Variants in CDH8 observed in about 807,000 individuals in gnomAD.
The protein encoded by CDH8 is cadherin 8.
Under a neutral mutation model 68.1 loss-of-function variants are expected in CDH8, and 17 were observed. That is an observed-to-expected ratio of 0.25 (90% CI 0.17 to 0.37). CDH8 has a LOEUF of 0.37. Ranked by LOEUF, CDH8 falls within the 10% of genes least tolerant of loss-of-function variation. The pLI, the probability that CDH8 is intolerant of heterozygous loss-of-function variation, is 1.00. For missense variants in CDH8, 763 were observed against 999.3 expected (o/e 0.76, Z 3.19); for synonymous variants, 372 against 365.1 (o/e 1.02, Z -0.21).
chr16:61,866,272 T>G, intron 3 of CDH8, among the ~76,000 whole-genome samples: 1 of 151,896 alleles, frequency 6.6e-6, no homozygotes. Flanking sequence ...GTAAATGAAC[T>G]AATCTATTCA....
intron 10 of CDH8, among the ~76,000 whole-genome samples, chr16:61,686,191 A>G (rs999932414): frequency 6.6e-6 from 1 of 152,032 alleles, no homozygotes; most frequent in African/African-American, 2.4e-5. Context: ...CACAAACATA[A>G]TCTGAATGTT....
chr16:61,935,695 C>T (rs1364184310), intron 2 of CDH8, among the ~76,000 whole-genome samples: 2 of 152,032 alleles, frequency 1.3e-5, no homozygotes, highest in African/African-American at 2.4e-5. Context: ...GTATGCCAGA[C>T]ATTTTACTGT....
intron 10 of CDH8, among the ~76,000 whole-genome samples, chr16:61,696,589 C>T (rs1044383715): frequency 6.6e-6 from 1 of 152,044 alleles, no homozygotes; most frequent in Non-Finnish European, 1.5e-5. Context: ...ACCATTTGAC[C>T]CAGCATTTCC....
chr16:61,791,296 G>C (rs1961371861), intron 7 of CDH8, among the ~76,000 whole-genome samples: 4 of 151,900 alleles, frequency 2.6e-5, no homozygotes, highest in Admixed American at 6.6e-5. Context: ...TGAACATGAG[G>C]ATGTGTTTAT....
chr16:61,903,949 C>CT (rs755617405), intron 2 of CDH8, among the ~76,000 whole-genome samples: 53 of 128,684 alleles, frequency 4.1e-4, no homozygotes, highest in African/African-American at 1.2e-3. Context: ...ATATACAGCA[C>CT]TTTTTAAAAA....
chr16:62,012,148 C>T (rs1199144082), intron 2 of CDH8, among the ~76,000 whole-genome samples: 2 of 152,178 alleles, frequency 1.3e-5, no homozygotes, highest in South Asian at 2.1e-4. Flanking sequence ...ATTCTGTAAA[C>T]ACTGTAACAC....
At chr16:61,982,853 C>T (rs1234603014) in intron 2 of CDH8, among the ~76,000 whole-genome samples, 1 of 152,168 alleles carries the variant, frequency 6.6e-6, no homozygotes, top group African/African-American at 2.4e-5. Context: ...TATCCTTTAG[C>T]TTATGAGTGA....
intron 8 of CDH8, among the ~76,000 whole-genome samples, chr16:61,787,835 G>A (rs546451159): frequency 5.5e-4 from 74 of 134,682 alleles, no homozygotes; most frequent in Middle Eastern, 4.4e-3. Context: ...GTAAACTATC[G>A]CAAGAACAAA....
Position 61,649,873 on chromosome 16 carries a change from T to C in CDH8, c.*3735A>G, listed in dbSNP as rs1249987216. On this transcript the variant is annotated 3_prime_UTR_variant, in exon 12 of 12. Transcript: ENST00000577390. Reference sequence around the variant, plus strand: ...GAGTCTCAGTGTGGAATCCAGCTGCTCCTAGGAGATTTCTAAGTCTCATGC... The same window carrying C: ...GAGTCTCAGTGTGGAATCCAGCTGCCCCTAGGAGATTTCTAAGTCTCATGC... 2 of 152,108 alleles carry C rather than the reference T, an allele frequency of 1.3e-5. No homozygotes were observed. Among genetic ancestry groups the C allele is most frequent in the East Asian group, 3.9e-4 (2 of 5,178 alleles). The allele number at this position is 152,108 out of a possible 1,614,324, so 9.4% of individuals were successfully genotyped here.
At chr16:61,747,788 A>G (rs1960059284) in intron 8 of CDH8, among the ~76,000 whole-genome samples, 1 of 152,068 alleles carries the variant, frequency 6.6e-6, no homozygotes, top group Non-Finnish European at 1.5e-5. Context: ...ATAAAAAAAA[A>G]AGATGCAGGA....
At chr16:61,741,638 G>C (rs1010922020) in intron 8 of CDH8, among the ~76,000 whole-genome samples, 2 of 151,902 alleles carry the variant, frequency 1.3e-5, no homozygotes, top group Admixed American at 6.6e-5. Context: ...TCCCCCTGTG[G>C]CATCTTTGTT....
intron 8 of CDH8, among the ~76,000 whole-genome samples, chr16:61,748,322 A>G (rs181887138): frequency 6.6e-6 from 1 of 152,154 alleles, no homozygotes; most frequent in Non-Finnish European, 1.5e-5. Flanking sequence ...CTATGGAGAA[A>G]GTGGCATGAT....
At chr16:61,900,984 C>T (rs540031193) in intron 3 of CDH8, 195 bp downstream of exon 3, 18 of 549,612 alleles carry the variant, frequency 3.3e-5, no homozygotes, top group East Asian at 2.8e-4. Context: ...TAAAATTGCT[C>T]TTCCATCAGT....
chr16:61,683,542 G>T, intron 10 of CDH8, among the ~76,000 whole-genome samples: 1 of 151,974 alleles, frequency 6.6e-6, no homozygotes, highest in East Asian at 1.9e-4. Flanking sequence ...TGTCTGACAA[G>T]CCTGTTGAAA....
At chr16:61,901,617 C>A in intron 2 of CDH8, 144 bp from the exon 3 acceptor site, 1 of 614,562 alleles carries the variant, frequency 1.6e-6, no homozygotes. Flanking sequence ...GTGTATGCAG[C>A]TGTGCGGATA....
At chr16:61,780,814 G>A (rs1430917272) in intron 8 of CDH8, among the ~76,000 whole-genome samples, 1 of 152,066 alleles carries the variant, frequency 6.6e-6, no homozygotes, top group Non-Finnish European at 1.5e-5. Flanking sequence ...GTGATCTTAT[G>A]ATTTCCACTT....
intron 3 of CDH8, among the ~76,000 whole-genome samples, chr16:61,865,931 C>G (rs1963244947): frequency 6.6e-6 from 1 of 152,152 alleles, no homozygotes. Context: ...TATGTGACAA[C>G]TACAGCAGGT....
chr16:61,998,264 G>C (rs979314275), intron 2 of CDH8, among the ~76,000 whole-genome samples: 12 of 152,158 alleles, frequency 7.9e-5, no homozygotes, highest in African/African-American at 2.7e-4. Flanking sequence ...TATTGTTATT[G>C]TTGGAAATTT....
At chr16:61,723,653 G>A (rs769256098) in intron 9 of CDH8, among the ~76,000 whole-genome samples, 2 of 150,710 alleles carry the variant, frequency 1.3e-5, no homozygotes, top group Non-Finnish European at 3.0e-5. Flanking sequence ...TACATTTTCA[G>A]TATCTAGCCC....
Sources: allele counts gnomAD v4.1 joint callset (sites outside exome capture counted in the v4.1 genomes callset), GRCh38; gene constraint gnomAD v4.1.1; transcripts MANE v1.5; gene names NCBI Gene and HGNC (gene_info 2026-07-23, HGNC 2026-07-21).